The following ZBTB44 variants were observed in gnomAD, a reference collection of about 807,000 sequenced individuals.
ZBTB44 encodes zinc finger and BTB domain containing 44, also known as zinc finger and BTB domain-containing protein 44.
ZBTB44 carries 15 observed loss-of-function variants against 54.0 expected under a neutral mutation model. That is an observed-to-expected ratio of 0.28 (90% CI 0.19 to 0.43). The LOEUF (loss-of-function observed/expected upper bound fraction) is 0.43. ZBTB44 is among the 20% of genes least tolerant of loss of function. ZBTB44 has a pLI of 1.00. For synonymous variants in ZBTB44, 230 were observed against 250.1 expected (o/e 0.92, Z 0.76); for missense variants, 487 against 707.1 (o/e 0.69, Z 3.53).
chr11:130,298,461 T>G (rs1489259955), intron 1 of ZBTB44, among the ~76,000 whole-genome samples: 9 of 146,732 alleles, frequency 6.1e-5, no homozygotes, highest in Admixed American at 1.4e-4. Flanking sequence ...TGAAGTTTTT[T>G]TTTTTTTTTT....
intron 2 of ZBTB44, among the ~76,000 whole-genome samples, chr11:130,246,567 A>G (rs1363759806): frequency 2.0e-5 from 3 of 152,200 alleles, no homozygotes; most frequent in African/African-American, 7.2e-5. Context: ...CTGTTGCATC[A>G]AACTCAAGTT....
At chr11:130,274,969 G>A (rs1356529047) in intron 1 of ZBTB44, among the ~76,000 whole-genome samples, 1 of 152,190 alleles carries the variant, frequency 6.6e-6, no homozygotes, top group East Asian at 1.9e-4. Flanking sequence ...AGAATTCACT[G>A]TAAAGCTATC....
intron 1 of ZBTB44, among the ~76,000 whole-genome samples, chr11:130,276,722 C>A (rs1293919252): frequency 6.6e-6 from 1 of 152,142 alleles, no homozygotes; most frequent in East Asian, 1.9e-4. Context: ...AGCCACTGTG[C>A]CCGGCCTGTT....
At chr11:130,289,341 G>A (rs1328944635) in intron 1 of ZBTB44, among the ~76,000 whole-genome samples, 1 of 152,042 alleles carries the variant, frequency 6.6e-6, no homozygotes, top group Non-Finnish European at 1.5e-5. Flanking sequence ...AAATTCGTCA[G>A]GCACAGTGGC....
intron 1 of ZBTB44, among the ~76,000 whole-genome samples, chr11:130,270,685 T>C (rs1939601924): frequency 3.3e-5 from 5 of 152,162 alleles, no homozygotes. Flanking sequence ...GAAAACCACC[T>C]AGGCATGATT....
At chr11:130,249,828 C>T (rs560173142) in intron 2 of ZBTB44, among the ~76,000 whole-genome samples, 6 of 152,300 alleles carry the variant, frequency 3.9e-5, no homozygotes, top group African/African-American at 1.4e-4. Flanking sequence ...CAAAACTGGG[C>T]GGCTGTTTGG....
In ZBTB44 at chr11:130,278,189, T is replaced by C. The variant is rs143850713; in HGVS notation, c.-56-16260A>G. ...ATCAAAGTCGAAAATGCATTTAATA[T>C]ACCTACCTTCCTAAAGATCACAGCT... On this transcript the variant is annotated intron_variant, in intron 1 of 7. Transcript: ENST00000357899. 6.3e-3 allele frequency among the ~76,000 whole-genome samples: 959 copies of C among 152,344 alleles called. 14 individuals carry two copies. The highest frequency in any genetic ancestry group is 0.022 in the African/African-American group (925 of 41,590).
At chr11:130,277,878 A>C (rs1940220320) in intron 1 of ZBTB44, among the ~76,000 whole-genome samples, 1 of 152,158 alleles carries the variant, frequency 6.6e-6, no homozygotes, top group African/African-American at 2.4e-5. Flanking sequence ...GTTGGATATA[A>C]GATTTTTGGT....
intron 5 of ZBTB44, chr11:130,236,263 T>C (rs1444523159): frequency 5.5e-6 from 7 of 1,272,948 alleles, no homozygotes; most frequent in South Asian, 2.5e-5. Context: ...ATTACAAGAA[T>C]AGAGCTCTAA....
rs1289132020 is a variant in ZBTB44, at chr11:130,314,880, C to T, written c.-562G>A. On this transcript the variant is annotated 5_prime_UTR_variant, in exon 1 of 8. Coordinates refer to ENST00000357899, the MANE Select transcript of ZBTB44 (RefSeq NM_001301098.2). ...CGCCGCCGTTGCCGCTCCGCTCACT[C>T]CAGCCTGTTTGGGGGCACTTTGTTT... 1 of 152,002 alleles carries T rather than the reference C, an allele frequency of 6.6e-6. No homozygotes were observed. Among genetic ancestry groups the T allele is most frequent in the African/African-American group, 2.4e-5 (1 of 41,290 alleles). The allele number at this position is 152,002 out of a possible 1,614,324, so 9.4% of individuals were successfully genotyped here.
At chr11:130,294,540 A>C (rs1326727563) in intron 1 of ZBTB44, among the ~76,000 whole-genome samples, 1 of 30,728 alleles carries the variant, frequency 3.3e-5, no homozygotes, top group Non-Finnish European at 6.6e-5. Flanking sequence ...TATATGACCA[A>C]AAAAAAAAAA....
intron 1 of ZBTB44, among the ~76,000 whole-genome samples, chr11:130,278,309 C>T (rs1940253671): frequency 6.6e-6 from 1 of 152,128 alleles, no homozygotes. Flanking sequence ...GTGTTCAGTA[C>T]CTCATATGAT....
At chr11:130,297,674 CAA>C (rs1941732169) in intron 1 of ZBTB44, among the ~76,000 whole-genome samples, 1 of 152,154 alleles carries the variant, frequency 6.6e-6, no homozygotes, top group Non-Finnish European at 1.5e-5. Flanking sequence ...CTACCAGAAG[CAA>C]AGAGACGTGG....
chr11:130,295,215 C>A (rs1673471646), intron 1 of ZBTB44, among the ~76,000 whole-genome samples: 1 of 152,038 alleles, frequency 6.6e-6, no homozygotes, highest in South Asian at 2.1e-4. Context: ...TCTGAAGAAA[C>A]AATGAGAGGT....
chr11:130,308,612 T>C (rs1322483705), intron 1 of ZBTB44, among the ~76,000 whole-genome samples: 2 of 152,216 alleles, frequency 1.3e-5, no homozygotes, highest in Non-Finnish European at 2.9e-5. Flanking sequence ...ATAACAAATG[T>C]TAGCATTATT....
intron 1 of ZBTB44, among the ~76,000 whole-genome samples, chr11:130,277,062 A>G (rs1592012299): frequency 6.6e-6 from 1 of 152,132 alleles, no homozygotes; most frequent in African/African-American, 2.4e-5. Flanking sequence ...GCTAGCATAC[A>G]GCTGGATAAT....
intron 2 of ZBTB44, among the ~76,000 whole-genome samples, chr11:130,244,002 A>G (rs1954513287): frequency 6.6e-6 from 1 of 151,984 alleles, no homozygotes; most frequent in African/African-American, 2.4e-5. Flanking sequence ...TTTCAGTTTC[A>G]TTTCTCCTGC....
In ZBTB44 at chr11:130,236,907, C is replaced by T. The variant is rs774365070; in HGVS notation, c.1454G>A (p.Arg485Gln). 5.7e-6 allele frequency: 9 copies of T among 1,588,600 alleles called. No homozygotes were observed. Among genetic ancestry groups the T allele is most frequent in the Non-Finnish European group, 6.8e-6 (8 of 1,168,968 alleles). ...GCCACATGTTTTGCACTCGTAAATCCGAGGCTTGCGGATAATGTGCCGGGA... is the reference window on the plus strand; with the variant it reads ...GCCACATGTTTTGCACTCGTAAATCTGAGGCTTGCGGATAATGTGCCGGGA... ...RVSRHIIRKP[R>Q]IYECKTCGAM... The change falls in exon 5 of 8, where the codon CGG (arginine) becomes CAG (glutamine). Residue 485 changes from arginine to glutamine, a missense_variant. Around this residue, in one of 3 missense-constraint regions of ZBTB44, gnomAD observed 120 missense variants for 240.3 expected, o/e 0.50. Transcript: ENST00000357899.
chr11:130,255,898 CA>C (rs66874715), intron 2 of ZBTB44, among the ~76,000 whole-genome samples: 56,419 of 93,304 alleles, frequency 0.6, 14,783 homozygotes, highest in Middle Eastern at 0.69. Flanking sequence ...GGCAAAACCT[CA>C]AAAAAAAAAA....
Sources: allele counts gnomAD v4.1 joint callset (sites outside exome capture counted in the v4.1 genomes callset), GRCh38; gene constraint gnomAD v4.1.1; regional missense constraint gnomAD v4.1.1; transcripts MANE v1.5; gene names NCBI Gene and HGNC (gene_info 2026-07-23, HGNC 2026-07-21).